F5: variants seen among roughly 807,000 people sequenced by gnomAD.
F5 encodes the protein activated protein c cofactor.
F5 carries 138 observed loss-of-function variants against 216.4 expected under a neutral mutation model. The observed-to-expected ratio is 0.64, with a 90% CI of 0.56 to 0.73. F5 has a LOEUF of 0.73. Among genes scored for constraint, F5 ranks in the 30% least tolerant of loss-of-function variants. The pLI is 0.00. For missense variants in F5, 2,403 were observed against 2,674.0 expected (o/e 0.90, Z 2.24); for synonymous variants, 916 against 930.7 (o/e 0.98, Z 0.29).
rs1050140770 is a variant in F5 at position 169,541,427 on chromosome 1, G to A, written c.3663C>T (p.Asn1221=). The A allele has an allele frequency of 3.7e-6, 6 of 1,613,868 alleles. No homozygotes were observed. In the African/African-American group the frequency reaches 8.0e-5, roughly 22 times the overall value. Residue 1221 remains asparagine, a synonymous_variant, in exon 13 of 25, where the codon AAC becomes AAT. Transcript: ENST00000367797. The stretch of plus-strand genomic sequence containing the variant: ...GCATCTGACCGAGGGCTGGGGAAAG[G>A]TTTCTCTGAATGAGTTCTGGAGAGA... ...TTLSPELIQR[N]LSPALGQMPI... is the part of the protein sequence containing the mutation.
At chr1:169,564,190 G>A (rs760220265) in intron 3 of F5, among the ~76,000 whole-genome samples, 3 of 151,992 alleles carry the variant, frequency 2.0e-5, no homozygotes, top group Non-Finnish European at 4.4e-5. Flanking sequence ...AAGGTCCAGG[G>A]ACTGTTCCAC....
Position 169,543,039 on chromosome 1 carries a change from C to T in F5, c.2051G>A (p.Cys684Tyr). Residue 684 changes from cysteine to tyrosine, a missense_variant, in exon 13 of 25, where the codon TGT (cysteine) becomes TAT (tyrosine). Cys to Tyr is a radical substitution (Grantham distance 194). Transcript: ENST00000367797. ...KLRLKFRDVK[C>Y]IPDDDEDSYE... Reference sequence around the variant, plus strand: ...TGAGTCTTCATCATCATCTGGGATACATTTAACATCCCTGAATTTCAGCCT... The same window carrying T: ...TGAGTCTTCATCATCATCTGGGATATATTTAACATCCCTGAATTTCAGCCT... 1.2e-6 allele frequency: 2 copies of T among 1,613,928 alleles called. No individual in the cohort carries two copies. The highest frequency in any genetic ancestry group is 1.7e-5 in the Admixed American group (1 of 60,000).
In F5 at chr1:169,542,770, C is replaced by G; in HGVS notation, c.2320G>C (p.Gly774Arg). ...TTACTTGGGGAAGAATAATTTGAACCAACAATTATATCTGTGTTTGAAGAA... is the reference window on the plus strand; with the variant it reads ...TTACTTGGGGAAGAATAATTTGAACGAACAATTATATCTGTGTTTGAAGAA... ...FVSSNTDIIVGSNYSSPSNIS... is the reference protein window; with the variant it reads ...FVSSNTDIIVRSNYSSPSNIS... Residue 774 changes from glycine (G) to arginine (R), a missense_variant, in exon 13 of 25, where the codon GGT (glycine) becomes CGT (arginine). By Grantham distance (125) the Gly-to-Arg change is moderately radical. This residue lies in a region of F5 where 1,425 missense variants were observed against 1,554.8 expected (regional missense o/e 0.92). Coordinates refer to ENST00000367797, the MANE Select transcript of F5 (RefSeq NM_000130.5). 2 of 1,614,078 alleles carry G rather than the reference C, an allele frequency of 1.2e-6. No homozygotes were observed. Among genetic ancestry groups the G allele is most frequent in the Non-Finnish European group, 1.7e-6 (2 of 1,179,974 alleles).
intron 4 of F5, 68 bp downstream of exon 4, chr1:169,560,486 G>A (rs933263832): frequency 1.3e-5 from 19 of 1,490,996 alleles, no homozygotes; most frequent in African/African-American, 5.6e-5. Context: ...CCCAAGCTTT[G>A]TCCCATGACA....
intron 23 of F5, 34 bp from the exon 24 acceptor site, chr1:169,515,660 G>A: frequency 6.2e-7 from 1 of 1,605,476 alleles, no homozygotes; most frequent in Non-Finnish European, 8.5e-7. Context: ...AGATAAGGAA[G>A]ATGTTAAAAC....
rs1659810614 is a variant in F5, at chr1:169,540,597, A to G, written c.4493T>C (p.Leu1498Pro). ...GQMPSPSSPT[L>P]NDTFLSKEFN... The stretch of plus-strand genomic sequence containing the variant: ...TTCCTTTGATAGAAAAGTATCATTG[A>G]GAGTAGGAGATGAAGGAGATGGCAT... The change falls in exon 13 of 25, where the codon CTC (leucine) becomes CCC (proline). Residue 1498 changes from leucine (L) to proline (P), a missense_variant. Leu to Pro is a moderately conservative substitution (Grantham distance 98). Transcript: ENST00000367797. 1.9e-6 allele frequency: 3 copies of G among 1,614,058 alleles called. No individual in the cohort carries two copies. The Middle Eastern group carries it at 4.9e-4, about 266-fold the overall frequency.
At chr1:169,537,756 A>G (rs899619799) in intron 13 of F5, among the ~76,000 whole-genome samples, 16 of 152,182 alleles carry the variant, frequency 1.1e-4, no homozygotes, top group African/African-American at 3.6e-4. Flanking sequence ...AATCAGAGAA[A>G]TGCAATTTAA....
rs1326053819 is a variant in F5, at chr1:169,514,145, A to C, written c.*168T>G. ...AGCCATTATCTTACTTACTGGTAGC[A>C]AGGAGTTACATTATAAAAGCTTCTT... On this transcript the variant is annotated 3_prime_UTR_variant, in exon 25 of 25. Coordinates refer to ENST00000367797, the MANE Select transcript of F5 (RefSeq NM_000130.5). The C allele has an allele frequency of 9.3e-6, 6 of 648,220 alleles. No individual in the cohort carries two copies. The African/African-American group carries it at 1.1e-4, about 12-fold the overall frequency. The allele number at this position is 648,220 out of a possible 1,614,324, so 40.2% of individuals were successfully genotyped here.
chr1:169,533,849 A>C (rs1221243565), intron 14 of F5, among the ~76,000 whole-genome samples: 1 of 152,136 alleles, frequency 6.6e-6, no homozygotes, highest in Non-Finnish European at 1.5e-5. Context: ...AAGAATTTGA[A>C]ACAGAACTAC....
rs1660292417 is a variant in F5, at chr1:169,555,298, C to T, written c.1002G>A (p.Arg334=). The T allele has an allele frequency of 4.3e-6, 7 of 1,613,960 alleles. No homozygotes were observed. Among genetic ancestry groups the T allele is most frequent in the South Asian group, 1.1e-5 (1 of 91,088 alleles). Residue 334 remains arginine, a synonymous_variant, in exon 7 of 25, where the codon AGG becomes AGA. Transcript: ENST00000367797. ...GCTCACGAGTTATTTTCTTAAGATT[C>T]CTGGTTTTCTTTGGGCAGTTTTTAA... ...IDIKNCPKKT[R]NLKKITREQR... is the part of the protein sequence containing the mutation.
intron 4 of F5, 142 bp from the exon 5 acceptor site, chr1:169,559,438 T>A: frequency 1.2e-6 from 1 of 857,038 alleles, no homozygotes; most frequent in Non-Finnish European, 1.9e-6. Flanking sequence ...AAATAGCATA[T>A]TTATCAAGTA....
At chr1:169,577,601 A>ATG (rs1660891586) in intron 2 of F5, among the ~76,000 whole-genome samples, 1 of 97,176 alleles carries the variant, frequency 1.0e-5, no homozygotes, top group Non-Finnish European at 2.0e-5. Context: ...ATATATATAT[A>ATG]TATGTATGTA....
At chr1:169,584,919 C>T (rs1661069656) in intron 1 of F5, among the ~76,000 whole-genome samples, 2 of 152,190 alleles carry the variant, frequency 1.3e-5, no homozygotes, top group African/African-American at 4.8e-5. Context: ...CCATGTGAAT[C>T]AGACCTTTGC....
chr1:169,556,329 A>G (rs1291283586), intron 6 of F5, among the ~76,000 whole-genome samples: 1 of 134,080 alleles, frequency 7.5e-6, no homozygotes, highest in African/African-American at 2.9e-5. Flanking sequence ...TTGCATATGA[A>G]GTAACCCGAA....
rs772543208 is a variant in F5, at chr1:169,555,360, A to C, written c.953-13T>G. ...GCCTGCATCCCAGCTGAGTTAGGAC[A>C]GAAAGACAATGAAATAACTCAAGAG... is the stretch of plus-strand genomic sequence containing the variant. On this transcript the variant is annotated splice_polypyrimidine_tract_variant and intron_variant, in intron 6 of 24. Transcript: ENST00000367797. 1 of 1,613,758 alleles carries C rather than the reference A, an allele frequency of 6.2e-7. No individual in the cohort carries two copies. Among genetic ancestry groups the C allele is most frequent in the African/African-American group, 1.3e-5 (1 of 74,906 alleles).
At position 169,527,765 on chromosome 1, in the gene F5, G is replaced by C; in HGVS notation, c.5599+150C>G. ...CATTTTTGTACTCCGTATATACTTT[G>C]GGTCTATGGGTTTGCCTAGGCTCTA... On this transcript the variant is annotated intron_variant, in intron 17 of 24. Transcript: ENST00000367797. The C allele has an allele frequency of 3.4e-6, 3 of 891,252 alleles. No individual in the cohort carries two copies. In the South Asian group the frequency reaches 4.7e-5, roughly 14 times the overall value. The allele number at this position is 891,252 out of a possible 1,614,324, so 55.2% of individuals were successfully genotyped here.
rs761068718 is a variant in F5 at position 169,559,244 on chromosome 1, T to C, written c.639A>G (p.Leu213=). The change falls in exon 5 of 25, where the codon CTA becomes CTG. Residue 213 remains leucine, a synonymous_variant. Coordinates refer to ENST00000367797, the MANE Select transcript of F5 (RefSeq NM_000130.5). ...TGCTTTCATCAAACACAGCAAATAGTAGCACGATTTGCTTGTCAAACGTCT... is the reference window on the plus strand; with the variant it reads ...TGCTTTCATCAAACACAGCAAATAGCAGCACGATTTGCTTGTCAAACGTCT... ...TQKTFDKQIV[L]LFAVFDESKS... is the part of the protein sequence containing the mutation. 6.2e-6 allele frequency: 10 copies of C among 1,613,812 alleles called. No homozygotes were observed. In the South Asian group the frequency reaches 6.6e-5, roughly 11 times the overall value.
Position 169,550,649 on chromosome 1 carries a change from A to G in F5, c.1387T>C (p.Phe463Leu), listed in dbSNP as rs1259588998. The G allele has an allele frequency of 6.2e-7, 1 of 1,613,214 alleles. No individual in the cohort carries two copies. Among genetic ancestry groups the G allele is most frequent in the Non-Finnish European group, 8.5e-7 (1 of 1,179,158 alleles). The change falls in exon 9 of 25, where the codon TTC becomes CTC. Residue 463 changes from phenylalanine to leucine, a missense_variant. Around this residue, in one of 4 missense-constraint regions of F5, gnomAD observed 1,425 missense variants for 1,554.8 expected, o/e 0.92. Transcript: ENST00000367797. ...SPYEDEVNSS[F>L]TSGRNNTMIR... ...AGTGAAAGATTCAAACCTGAGGTGA[A>G]AGAAGAGTTGACTTCATCTTCATAA... is the stretch of plus-strand genomic sequence containing the variant.
Position 169,542,127 on chromosome 1 carries a change from A to G in F5, c.2963T>C (p.Leu988Pro). The G allele has an allele frequency of 6.2e-7, 1 of 1,614,068 alleles. No individual in the cohort carries two copies. Among genetic ancestry groups the G allele is most frequent in the African/African-American group, 1.3e-5 (1 of 75,034 alleles). ...ACTCTGCTTTCCAGGCTTGTTGGCA[A>G]GAGGGGTGCTTTCTCCCCAAGCACG... ...ASRAWGESTP[L>P]ANKPGKQSGH... is the part of the protein sequence containing the mutation. The change falls in exon 13 of 25, where the codon CTT becomes CCT. Residue 988 changes from leucine (L) to proline (P), a missense_variant. Transcript: ENST00000367797.
Sources: gnomAD v4.1 joint callset for allele counts (sites outside exome capture counted in the v4.1 genomes callset) on GRCh38, gnomAD v4.1.1 for gene constraint, gnomAD v4.1.1 regional missense constraint, MANE v1.5 for transcripts, NCBI Gene and HGNC (gene_info 2026-07-23, HGNC 2026-07-21) for gene names.